The following IVD variants were observed in gnomAD, a reference collection of about 807,000 sequenced individuals.
IVD encodes the protein isovaleryl-CoA dehydrogenase, also known as isovaleryl-CoA dehydrogenase, mitochondrial.
Under a neutral mutation model 51.3 loss-of-function variants are expected in IVD, and 31 were observed. The observed-to-expected ratio is 0.60, with a 90% CI of 0.45 to 0.81. The LOEUF (loss-of-function observed/expected upper bound fraction) is 0.81. Among genes scored for constraint, IVD ranks in the 40% least tolerant of loss-of-function variants. IVD has a pLI of 0.00. For synonymous variants in IVD, 205 were observed against 219.4 expected (o/e 0.93, Z 0.58); for missense variants, 475 against 552.0 (o/e 0.86, Z 1.40).
intron 11 of IVD, among the ~76,000 whole-genome samples, chr15:40,416,904 G>A (rs1222264926): frequency 6.6e-6 from 1 of 152,082 alleles, no homozygotes; most frequent in East Asian, 1.9e-4. Context: ...CTAGGAAATG[G>A]GAAAGGGAGA....
chr15:40,406,264 T>C (rs1890400291), intron 1 of IVD: 2 of 1,461,280 alleles, frequency 1.4e-6, no homozygotes, highest in Middle Eastern at 1.8e-4. Flanking sequence ...GATGGTGTTT[T>C]GGTGGAGGAT....
intron 7 of IVD, chr15:40,433,755 G>A (rs967734602): frequency 4.7e-6 from 2 of 424,502 alleles, no homozygotes; most frequent in African/African-American, 4.1e-5. Context: ...AGCATTATTA[G>A]GCAACTACTA....
At chr15:40,408,876 G>A (rs1248230133) in intron 3 of IVD, among the ~76,000 whole-genome samples, 2 of 152,112 alleles carry the variant, frequency 1.3e-5, no homozygotes, top group Admixed American at 1.3e-4. Flanking sequence ...CTTGAACCTG[G>A]GAGGCGGAGG....
At chr15:40,433,563 T>A (rs1465460778) in intron 7 of IVD, among the ~76,000 whole-genome samples, 2 of 152,196 alleles carry the variant, frequency 1.3e-5, no homozygotes, top group Non-Finnish European at 2.9e-5. Flanking sequence ...ATACTCCAAG[T>A]TGATATCTGA....
At chr15:40,414,848 G>A (rs1213739151) in intron 7 of IVD, 41 bp from the exon 8 acceptor site, 3 of 1,612,610 alleles carry the variant, frequency 1.9e-6, no homozygotes, top group South Asian at 2.2e-5. Context: ...TGAGGAGGCT[G>A]TGGACAGCTC....
Position 40,408,116 on chromosome 15 carries a change from T to G in IVD, c.286+126T>G, listed in dbSNP as rs943698773. The G allele has an allele frequency of 4.1e-5, 34 of 835,822 alleles. No homozygotes were observed. The highest frequency in any genetic ancestry group is 6.0e-5 in the Non-Finnish European group (30 of 498,216). 51.8% of individuals were successfully genotyped at this position (835,822 alleles called of 1,614,324 possible). On this transcript the variant is annotated intron_variant, in intron 3 of 11. Transcript: ENST00000487418. The stretch of plus-strand genomic sequence containing the variant: ...AACCCAGAACTGCATCTTTTGGACC[T>G]GTGAAAGCACCCATTGATTGTCAGC...
chr15:40,411,706 G>A lies in IVD; in HGVS notation c.687+15G>A, dbSNP rs1480001303. The A allele has an allele frequency of 1.2e-6, 2 of 1,613,996 alleles. No individual in the cohort carries two copies. Among genetic ancestry groups the A allele is most frequent in the Admixed American group, 1.7e-5 (1 of 60,010 alleles). On this transcript the variant is annotated intron_variant, in intron 6 of 11. Transcript: ENST00000487418. ...TTGTGGAGAAGGTGAGTATAGGTGG[G>A]TGCAGGGCCAGGAGGCTTCTGCCTC...
intron 11 of IVD, among the ~76,000 whole-genome samples, chr15:40,417,156 A>G (rs1891780577): frequency 6.8e-6 from 1 of 147,978 alleles, no homozygotes; most frequent in African/African-American, 2.5e-5. Context: ...GTGACCGGAG[A>G]TCGCGCCATT....
downstream of IVD, among the ~76,000 whole-genome samples, chr15:40,425,019 G>T (rs1405124801): frequency 6.6e-6 from 1 of 152,184 alleles, no homozygotes; most frequent in Non-Finnish European, 1.5e-5. Context: ...GCAGAAGGGA[G>T]GCCCTCATCC....
chr15:40,415,366 G>A (rs1891549179), intron 8 of IVD, 35 bp from the exon 9 acceptor site: 3 of 1,572,938 alleles, frequency 1.9e-6, no homozygotes, highest in African/African-American at 1.4e-5. Flanking sequence ...GGTGGGATGA[G>A]GAGGTGCCCA....
intron 7 of IVD, among the ~76,000 whole-genome samples, chr15:40,430,772 T>C (rs1012436182): frequency 1.3e-5 from 2 of 152,308 alleles, no homozygotes; most frequent in East Asian, 3.9e-4. Flanking sequence ...AGTTTGCTTG[T>C]AGTTGGAAGT....
At chr15:40,414,079 G>A (rs931180320) in intron 7 of IVD, among the ~76,000 whole-genome samples, 4 of 151,982 alleles carry the variant, frequency 2.6e-5, no homozygotes, top group African/African-American at 9.7e-5. Flanking sequence ...GGCTGCTCTC[G>A]AACTCCTGAC....
At chr15:40,429,731 C>T (rs1030450538) in intron 7 of IVD, among the ~76,000 whole-genome samples, 8 of 152,136 alleles carry the variant, frequency 5.3e-5, no homozygotes, top group Admixed American at 1.3e-4. Context: ...CAGGAGTGGG[C>T]AGGGGGGAAT....
In IVD at chr15:40,414,974, G is replaced by A. The variant is rs1285915480; in HGVS notation, c.870G>A (p.Gly290=). The change falls in exon 8 of 12, where the codon GGG becomes GGA. Residue 290 remains glycine, a synonymous_variant. Transcript: ENST00000487418. ...LDLERLVLAG[G]PLGLMQAVLD... is the part of the protein sequence containing the mutation. Reference sequence around the variant, plus strand: ...TGGAGCGGCTGGTGCTGGCCGGGGGGCCTCTTGGGTAAGTGTGAGAGGCTT... The same window carrying A: ...TGGAGCGGCTGGTGCTGGCCGGGGGACCTCTTGGGTAAGTGTGAGAGGCTT... 3 of 1,613,652 alleles carry A rather than the reference G, an allele frequency of 1.9e-6. No homozygotes were observed. Among genetic ancestry groups the A allele is most frequent in the Admixed American group, 3.3e-5 (2 of 60,004 alleles).
chr15:40,419,124 A>G lies in IVD; in HGVS notation c.*861A>G. The G allele has an allele frequency of 1.6e-6, 2 of 1,287,396 alleles. No homozygotes were observed. Among genetic ancestry groups the G allele is most frequent in the South Asian group, 2.5e-5 (2 of 80,986 alleles). The allele number at this position is 1,287,396 out of a possible 1,614,324, so 79.7% of individuals were successfully genotyped here. Reference sequence around the variant, plus strand: ...GCACTCCAGCCTGGGCGACAAGAGCAAAACTCTTCAAAAAACAAAACAAAA... The same window carrying G: ...GCACTCCAGCCTGGGCGACAAGAGCGAAACTCTTCAAAAAACAAAACAAAA... On this transcript the variant is annotated 3_prime_UTR_variant, in exon 12 of 12. Coordinates refer to ENST00000487418, the MANE Select transcript of IVD (RefSeq NM_002225.5).
At chr15:40,421,908 GGA>G (rs1892328315), downstream of IVD, among the ~76,000 whole-genome samples, 1 of 152,324 alleles carries the variant, frequency 6.6e-6, no homozygotes, top group Non-Finnish European at 1.5e-5. Context: ...CGCGCGGTCT[GGA>G]GAGAGGTTCC....
chr15:40,408,187 G>A (rs2141305874), intron 3 of IVD, among the ~76,000 whole-genome samples, 197 bp downstream of exon 3: 1 of 152,338 alleles, frequency 6.6e-6, no homozygotes, highest in Middle Eastern at 3.4e-3. Flanking sequence ...GTGATGTAGA[G>A]AAGGCAGAGG....
chr15:40,415,890 T>C (rs987771840), intron 9 of IVD, among the ~76,000 whole-genome samples, 188 bp from the exon 10 acceptor site: 1 of 152,246 alleles, frequency 6.6e-6, no homozygotes, highest in Non-Finnish European at 1.5e-5. Context: ...TCATGCGGGC[T>C]GTGGAACAGC....
At position 40,418,655 on chromosome 15, in the gene IVD, T is replaced by C; in HGVS notation, c.*392T>C. 3 of 1,147,690 alleles carry C rather than the reference T, an allele frequency of 2.6e-6. No individual in the cohort carries two copies. Among genetic ancestry groups the C allele is most frequent in the East Asian group, 1.3e-4 (2 of 15,510 alleles). The allele number at this position is 1,147,690 out of a possible 1,614,324, so 71.1% of individuals were successfully genotyped here. A position where few individuals can be genotyped will look rare whatever the true frequency, so the allele number is the denominator to read the frequency against. ...CATGCAGGTACCCACCTCTTTCTCTTGGGTGAGGCTCTGGCAAGGAGATCT... is the reference window on the plus strand; with the variant it reads ...CATGCAGGTACCCACCTCTTTCTCTCGGGTGAGGCTCTGGCAAGGAGATCT... On this transcript the variant is annotated 3_prime_UTR_variant, in exon 12 of 12. Coordinates refer to ENST00000487418, the MANE Select transcript of IVD (RefSeq NM_002225.5).
Sources: allele counts gnomAD v4.1 joint callset (sites outside exome capture counted in the v4.1 genomes callset), GRCh38; gene constraint gnomAD v4.1.1; transcripts MANE v1.5; gene names NCBI Gene and HGNC (gene_info 2026-07-23, HGNC 2026-07-21).